CORIN: variants seen among roughly 807,000 people sequenced by gnomAD.
The protein encoded by CORIN is corin, serine peptidase, also known as atrial natriuretic peptide-converting enzyme.
Under a neutral mutation model 125.3 loss-of-function variants are expected in CORIN, and 117 were observed. That is an observed-to-expected ratio of 0.93 (90% CI 0.80 to 1.09). The LOEUF (loss-of-function observed/expected upper bound fraction) is 1.09, where lower values mean the gene tolerates loss of function less well. Among genes scored for constraint, CORIN ranks in the 50% least tolerant of loss-of-function variants. The pLI is 0.00. For missense variants in CORIN, 1,253 were observed against 1,306.7 expected (o/e 0.96, Z 0.63); for synonymous variants, 450 against 466.4 (o/e 0.96, Z 0.45).
Position 47,806,976 on chromosome 4 carries a change from C to G in CORIN, c.135G>C (p.Arg45=), listed in dbSNP as rs1328127422. 2.4e-5 allele frequency: 39 copies of G among 1,613,888 alleles called. No individual in the cohort carries two copies. In the East Asian group the frequency reaches 8.7e-4, roughly 36 times the overall value. ...ATGGAATCAGGACCAGCAATAGGAA[C>G]CGGAGGAGGTTAGCAGTCGCCAGCT... The part of the protein sequence containing the change: ...SQKLATANLL[R]FLLLVLIPCI... Residue 45 remains arginine (R), a synonymous_variant, in exon 2 of 22, where the codon CGG becomes CGC. Coordinates refer to ENST00000273857, the MANE Select transcript of CORIN (RefSeq NM_006587.4).
intron 4 of CORIN, among the ~76,000 whole-genome samples, chr4:47,756,991 A>G (rs1304961910): frequency 6.6e-6 from 1 of 152,244 alleles, no homozygotes; most frequent in Non-Finnish European, 1.5e-5. Context: ...GTTAAAAACT[A>G]TAACATTTAC....
In CORIN at chr4:47,661,976, A is replaced by G. The variant is rs13306286; in HGVS notation, c.1590-120T>C. ...TGGCATGTATTGTGGGTGTGTGGATATAAAAGATGCACATATATATGATAG... is the reference window on the plus strand; with the variant it reads ...TGGCATGTATTGTGGGTGTGTGGATGTAAAAGATGCACATATATATGATAG... On this transcript the variant is annotated intron_variant, in intron 11 of 21. Coordinates refer to ENST00000273857, the MANE Select transcript of CORIN (RefSeq NM_006587.4). 2.1e-4 allele frequency: 198 copies of G among 932,786 alleles called. 2 individuals carry two copies. The East Asian group carries it at 4.8e-3, about 23-fold the overall frequency. The allele number at this position is 932,786 out of a possible 1,614,324, so 57.8% of individuals were successfully genotyped here.
intron 7 of CORIN, 111 bp from the exon 8 acceptor site, chr4:47,680,362 T>G: frequency 1.4e-6 from 1 of 690,308 alleles, no homozygotes; most frequent in Non-Finnish European, 2.5e-6. Context: ...CTCCAATACC[T>G]TCAATAACAT....
chr4:47,757,117 T>C (rs1466570082), intron 4 of CORIN, among the ~76,000 whole-genome samples: 6 of 152,208 alleles, frequency 3.9e-5, no homozygotes, highest in Non-Finnish European at 5.9e-5. Flanking sequence ...ATTAGTATGA[T>C]GAATGATCCA....
intron 1 of CORIN, among the ~76,000 whole-genome samples, chr4:47,817,474 A>G (rs895249797): frequency 1.1e-4 from 16 of 152,132 alleles, no homozygotes; most frequent in African/African-American, 3.6e-4. Flanking sequence ...GTAGGACTTT[A>G]GACTTTGGAC....
At chr4:47,782,288 G>A (rs1176347649) in intron 3 of CORIN, among the ~76,000 whole-genome samples, 1 of 151,612 alleles carries the variant, frequency 6.6e-6, no homozygotes, top group Non-Finnish European at 1.5e-5. Flanking sequence ...AGGAGACTGA[G>A]TCAGGAGAAT....
At chr4:47,739,828 AAAGTGTAGAT>A (rs1728307742) in intron 5 of CORIN, among the ~76,000 whole-genome samples, 1 of 151,892 alleles carries the variant, frequency 6.6e-6, no homozygotes, top group Non-Finnish European at 1.5e-5. Context: ...ATACAGAAGC[AAAGTGTAGAT>A]ATTGTTGAAA....
At chr4:47,665,357 CT>C in intron 10 of CORIN, 94 bp from the exon 11 acceptor site, 1 of 874,734 alleles carries the variant, frequency 1.1e-6, no homozygotes, top group Non-Finnish European at 1.8e-6. Flanking sequence ...TTTATTCTTT[CT>C]TTAGAGTAGC....
intron 19 of CORIN, among the ~76,000 whole-genome samples, chr4:47,613,560 A>C (rs1721950818): frequency 6.6e-6 from 1 of 152,066 alleles, no homozygotes; most frequent in Non-Finnish European, 1.5e-5. Flanking sequence ...AACCAACCCA[A>C]ATGTCCAACA....
At chr4:47,724,839 T>G (rs1180702308) in intron 5 of CORIN, among the ~76,000 whole-genome samples, 1 of 152,208 alleles carries the variant, frequency 6.6e-6, no homozygotes, top group Non-Finnish European at 1.5e-5. Context: ...ATTCTACCTT[T>G]CTTAAAGTCA....
At chr4:47,708,620 G>T (rs1475934531) in intron 5 of CORIN, among the ~76,000 whole-genome samples, 1 of 152,004 alleles carries the variant, frequency 6.6e-6, no homozygotes, top group Non-Finnish European at 1.5e-5. Context: ...TTTTTTATGT[G>T]CCTCTGGGTT....
chr4:47,620,733 G>A (rs1722272519), intron 19 of CORIN, among the ~76,000 whole-genome samples: 1 of 152,206 alleles, frequency 6.6e-6, no homozygotes, highest in Non-Finnish European at 1.5e-5. Flanking sequence ...CTTACTGGTT[G>A]ATGCCAGGCA....
At chr4:47,824,721 GC>G (rs1366128746) in intron 1 of CORIN, among the ~76,000 whole-genome samples, 1 of 152,116 alleles carries the variant, frequency 6.6e-6, no homozygotes, top group Non-Finnish European at 1.5e-5. Context: ...AGCACCACAG[GC>G]CAGATTAGAG....
intron 4 of CORIN, among the ~76,000 whole-genome samples, chr4:47,757,123 A>T (rs2109858638): frequency 1.3e-5 from 2 of 152,290 alleles, no homozygotes; most frequent in South Asian, 4.2e-4. Flanking sequence ...ATGATGAATG[A>T]TCCAAAATAA....
intron 21 of CORIN, among the ~76,000 whole-genome samples, chr4:47,598,694 A>C (rs1233001132): frequency 2.6e-5 from 4 of 152,196 alleles, no homozygotes; most frequent in Non-Finnish European, 5.9e-5. Flanking sequence ...TACCACCTTC[A>C]TGCTGGCTGA....
Position 47,645,076 on chromosome 4 carries a change from C to A in CORIN, c.1957+5G>T, listed in dbSNP as rs1333611876. ...CTCTGTTGACAAATTCGCATAAGCA[C>A]TTACAGCAGTTTTTCTCGTCCATGT... On this transcript the variant is annotated splice_donor_5th_base_variant and intron_variant, in intron 14 of 21. Transcript: ENST00000273857. The A allele has an allele frequency of 2.6e-6, 4 of 1,562,268 alleles. No individual in the cohort carries two copies. In the African/African-American group the frequency reaches 5.4e-5, roughly 21 times the overall value.
chr4:47,838,033 C>T lies in CORIN; in HGVS notation c.-84G>A. The T allele has an allele frequency of 1.3e-6, 2 of 1,583,770 alleles. No homozygotes were observed. The highest frequency in any genetic ancestry group is 1.7e-6 in the Non-Finnish European group (2 of 1,172,688). On this transcript the variant is annotated 5_prime_UTR_variant, in exon 1 of 22. Transcript: ENST00000273857. ...CTACGTGTCCCCCGGGGAGGCACTACGGATGATTTTCTCCAAGCTCAAGAG... is the reference window on the plus strand; with the variant it reads ...CTACGTGTCCCCCGGGGAGGCACTATGGATGATTTTCTCCAAGCTCAAGAG...
intron 19 of CORIN, among the ~76,000 whole-genome samples, chr4:47,620,018 A>T (rs1722242974): frequency 6.6e-6 from 1 of 152,150 alleles, no homozygotes; most frequent in African/African-American, 2.4e-5. Context: ...TGCTAGTTAG[A>T]TTTTTTTAAT....
chr4:47,600,296 C>A lies in CORIN; in HGVS notation c.2864G>T (p.Cys955Phe). 6.2e-7 allele frequency: 1 copy of A among 1,613,710 alleles called. No homozygotes were observed. Among genetic ancestry groups the A allele is most frequent in the Non-Finnish European group, 8.5e-7 (1 of 1,179,780 alleles). The change falls in exon 21 of 22, where the codon TGT (cysteine) becomes TTT (phenylalanine). Residue 955 changes from cysteine to phenylalanine, a missense_variant. Transcript: ENST00000273857. ...GGTCTTCATGTCAAAGTAGGACTGACAATGTTCCAGAGAAATAATGCGGAC... is the reference window on the plus strand; with the variant it reads ...GGTCTTCATGTCAAAGTAGGACTGAAAATGTTCCAGAGAAATAATGCGGAC... ...GEVRIISLEH[C>F]QSYFDMKTIT... is the part of the protein sequence containing the mutation.
Sources: allele counts gnomAD v4.1 joint callset (sites outside exome capture counted in the v4.1 genomes callset), GRCh38; gene constraint gnomAD v4.1.1; transcripts MANE v1.5; gene names NCBI Gene and HGNC (gene_info 2026-07-23, HGNC 2026-07-21).